Variants in MDFIC2 observed in about 807,000 individuals in gnomAD.
The protein encoded by MDFIC2 is MyoD family inhibitor domain containing 2, also known as myoD family inhibitor domain-containing protein 2.
intron 2 of MDFIC2, among the ~76,000 whole-genome samples, chr3:70,298,588 A>G (rs1702314422): frequency 2.6e-5 from 4 of 152,126 alleles, no homozygotes; most frequent in Non-Finnish European, 5.9e-5. Flanking sequence ...TTTCATAACT[A>G]AGTCCTCTTT....
chr3:70,198,782 G>A (rs1009146444), intron 3 of MDFIC2, among the ~76,000 whole-genome samples: 3 of 152,090 alleles, frequency 2.0e-5, no homozygotes, highest in African/African-American at 7.2e-5. Flanking sequence ...TCATCTCTTT[G>A]CCAGATTTGC....
At chr3:70,275,069 G>A (rs1702009996) in intron 2 of MDFIC2, among the ~76,000 whole-genome samples, 2 of 152,158 alleles carry the variant, frequency 1.3e-5, no homozygotes, top group Admixed American at 1.3e-4. Context: ...ATATAAGCCT[G>A]CAGCTGTTAT....
chr3:70,245,297 T>G (rs1239710705), intron 2 of MDFIC2, among the ~76,000 whole-genome samples: 1 of 152,072 alleles, frequency 6.6e-6, no homozygotes, highest in Non-Finnish European at 1.5e-5. Context: ...AAAATTACTT[T>G]TGGATAACAT....
At position 70,290,666 on chromosome 3, in the gene MDFIC2, C is replaced by T. The variant is rs952463626; in HGVS notation, c.88+21220G>A. ...GGGCGCCCCTCCCCTAGCCTCGCTG[C>T]CGCCTTGCAGTTTGATCTCAGACTG... On this transcript the variant is annotated intron_variant, in intron 2 of 3. Coordinates refer to ENST00000567252, the MANE Select transcript of MDFIC2 (RefSeq NM_001364677.1). 1.6e-4 allele frequency among the ~76,000 whole-genome samples: 24 copies of T among 152,292 alleles called. 1 individual carries two copies. Among genetic ancestry groups the T allele is most frequent in the African/African-American group, 5.3e-4 (22 of 41,562 alleles).
intron 2 of MDFIC2, among the ~76,000 whole-genome samples, chr3:70,208,856 T>C (rs1011226821): frequency 6.6e-6 from 1 of 152,124 alleles, no homozygotes; most frequent in African/African-American, 2.4e-5. Flanking sequence ...TCTATTCTCT[T>C]CCTTTTATGT....
At position 70,216,183 on chromosome 3, in the gene MDFIC2, A is replaced by G. The variant is rs1438183420; in HGVS notation, c.89-9393T>C. On this transcript the variant is annotated intron_variant, in intron 2 of 3. Coordinates refer to ENST00000567252, the MANE Select transcript of MDFIC2 (RefSeq NM_001364677.1). ...ATTTATATTTATGCTTTATATTTGC[A>G]TATTAGGATATATATTCTAATTCTA... Among the ~76,000 whole-genome samples the G allele has an allele frequency of 2.6e-5, 4 of 150,966 alleles. No individual in the cohort carries two copies. The South Asian group carries it at 8.3e-4, about 31-fold the overall frequency.
chr3:70,221,797 G>T (rs1701462731), intron 2 of MDFIC2, among the ~76,000 whole-genome samples: 1 of 152,112 alleles, frequency 6.6e-6, no homozygotes, highest in Non-Finnish European at 1.5e-5. Context: ...TTGTTAAGGT[G>T]GTCTTGCCAT....
intron 2 of MDFIC2, among the ~76,000 whole-genome samples, chr3:70,266,049 A>G (rs545471652): frequency 5.6e-4 from 85 of 152,314 alleles, no homozygotes; most frequent in Non-Finnish European, 6.0e-4. Context: ...GCTTATTCAG[A>G]AAAGAGAATG....
chr3:70,239,797 T>A (rs574703680), intron 2 of MDFIC2, among the ~76,000 whole-genome samples: 1 of 152,250 alleles, frequency 6.6e-6, no homozygotes, highest in South Asian at 2.1e-4. Context: ...TACAGTGACG[T>A]CTCGTTCAAC....
chr3:70,199,712 C>G (rs1576152275), intron 3 of MDFIC2, among the ~76,000 whole-genome samples: 2 of 152,102 alleles, frequency 1.3e-5, no homozygotes, highest in South Asian at 2.1e-4. Flanking sequence ...TTGAAAAGAG[C>G]GTTGGATTTC....
At chr3:70,275,413 G>C (rs1702014413) in intron 2 of MDFIC2, among the ~76,000 whole-genome samples, 1 of 152,182 alleles carries the variant, frequency 6.6e-6, no homozygotes, top group Non-Finnish European at 1.5e-5. Context: ...TACTAGGGAG[G>C]CTGAGGTGGG....
At chr3:70,293,201 A>T (rs1255238265) in intron 2 of MDFIC2, among the ~76,000 whole-genome samples, 1 of 152,034 alleles carries the variant, frequency 6.6e-6, no homozygotes, top group Non-Finnish European at 1.5e-5. Context: ...CTGTCATGTA[A>T]GTCTGGTGAA....
chr3:70,226,259 C>A (rs1454761568), intron 2 of MDFIC2, among the ~76,000 whole-genome samples: 3 of 152,136 alleles, frequency 2.0e-5, no homozygotes, highest in Non-Finnish European at 4.4e-5. Flanking sequence ...TAAGACCTGG[C>A]CTCTGCTTTC....
chr3:70,269,589 G>A (rs1208427355), intron 2 of MDFIC2, among the ~76,000 whole-genome samples: 1 of 152,008 alleles, frequency 6.6e-6, no homozygotes, highest in Non-Finnish European at 1.5e-5. Flanking sequence ...TTTGGTTCAG[G>A]GGCTGCCCAG....
chr3:70,306,262 C>T (rs550876920), intron 2 of MDFIC2, among the ~76,000 whole-genome samples: 36 of 152,092 alleles, frequency 2.4e-4, no homozygotes, highest in Non-Finnish European at 4.7e-4. Flanking sequence ...CGCCACCACA[C>T]GTGGCTAGCC....
At chr3:70,227,417 G>T (rs1701518042) in intron 2 of MDFIC2, among the ~76,000 whole-genome samples, 1 of 152,120 alleles carries the variant, frequency 6.6e-6, no homozygotes, top group Admixed American at 6.5e-5. Context: ...ATCAAGTTCT[G>T]CAAAGAAGGC....
At chr3:70,307,329 G>A (rs1017375928) in intron 2 of MDFIC2, among the ~76,000 whole-genome samples, 2 of 152,152 alleles carry the variant, frequency 1.3e-5, no homozygotes, top group African/African-American at 2.4e-5. Context: ...CACTTCAAAC[G>A]CTGACAATGC....
chr3:70,259,765 G>A (rs958682577), intron 2 of MDFIC2, among the ~76,000 whole-genome samples: 5 of 152,098 alleles, frequency 3.3e-5, no homozygotes, highest in Non-Finnish European at 7.4e-5. Flanking sequence ...TTTTCATACC[G>A]GTATAAAAAC....
intron 2 of MDFIC2, among the ~76,000 whole-genome samples, chr3:70,231,291 C>A (rs1288555922): frequency 2.6e-5 from 4 of 152,184 alleles, no homozygotes; most frequent in Non-Finnish European, 5.9e-5. Context: ...TAAGACGACG[C>A]TCCTGCCCCT....
Sources: allele counts gnomAD v4.1 joint callset (sites outside exome capture counted in the v4.1 genomes callset), GRCh38; gene constraint gnomAD v4.1.1; transcripts MANE v1.5; gene names NCBI Gene and HGNC (gene_info 2026-07-23, HGNC 2026-07-21).